Variants in SLC24A2 observed in about 807,000 individuals in gnomAD.
The protein encoded by SLC24A2 is solute carrier family 24 member 2, also known as sodium/potassium/calcium exchanger 2.
SLC24A2 carries 36 observed loss-of-function variants against 62.0 expected under a neutral mutation model. The observed-to-expected ratio is 0.58, with a 90% CI of 0.44 to 0.77. SLC24A2 has a LOEUF of 0.77. SLC24A2 is among the 30% of genes least tolerant of loss of function. The pLI is 0.00. For missense variants in SLC24A2, 846 were observed against 817.9 expected (o/e 1.03, Z -0.42); for synonymous variants, 358 against 294.0 (o/e 1.22, Z -2.23).
the SLC24A2 span, among the ~76,000 whole-genome samples, chr9:20,073,937 T>TAG: frequency 2.0e-5 from 3 of 148,118 alleles, no homozygotes; most frequent in African/African-American, 7.4e-5. Flanking sequence ...TATATATATA[T>TAG]ATATGTATGT....
the SLC24A2 span, among the ~76,000 whole-genome samples, chr9:20,097,725 T>A: frequency 2.8e-5 from 1 of 35,890 alleles, no homozygotes; most frequent in African/African-American, 1.2e-4. Flanking sequence ...AAATAATTTT[T>A]TTTTTTTTTT....
the SLC24A2 span, among the ~76,000 whole-genome samples, chr9:19,804,594 G>A: frequency 6.6e-6 from 1 of 152,080 alleles, no homozygotes; most frequent in Non-Finnish European, 1.5e-5. Context: ...TTTGCAAATA[G>A]AGAGTTTAAT....
At chr9:20,083,922 A>G in the SLC24A2 span, among the ~76,000 whole-genome samples, 25,411 of 152,180 alleles carry the variant, frequency 0.17, 3,657 homozygotes, top group East Asian at 0.66. Context: ...TCGCTGTTAC[A>G]CTGTTAGCTC....
chr9:20,182,601 C>T, the SLC24A2 span, among the ~76,000 whole-genome samples: 1 of 152,092 alleles, frequency 6.6e-6, no homozygotes, highest in African/African-American at 2.4e-5. Context: ...CACGTGGACA[C>T]AGGGAGGGGA....
At chr9:19,688,767 G>A (rs1819958797) in intron 2 of SLC24A2, among the ~76,000 whole-genome samples, 1 of 152,040 alleles carries the variant, frequency 6.6e-6, no homozygotes, top group Non-Finnish European at 1.5e-5. Context: ...CAACATACAT[G>A]TCTTTCCCTA....
the SLC24A2 span, among the ~76,000 whole-genome samples, chr9:20,067,882 T>C: frequency 6.6e-6 from 1 of 152,112 alleles, no homozygotes. Flanking sequence ...AACTATCTAT[T>C]TTCCTTTGGG....
chr9:19,737,585 T>G (rs749047962), intron 2 of SLC24A2, among the ~76,000 whole-genome samples: 54 of 152,008 alleles, frequency 3.6e-4, no homozygotes, highest in Non-Finnish European at 5.9e-4. Flanking sequence ...AAAAATAAAA[T>G]GCAATTGCAT....
chr9:19,808,843 G>A, the SLC24A2 span, among the ~76,000 whole-genome samples: 1 of 152,170 alleles, frequency 6.6e-6, no homozygotes, highest in African/African-American at 2.4e-5. This position sits in a 1 kb window ranked among gnomAD's most constrained non-coding sequence, Gnocchi z 4.1. Flanking sequence ...AGGATCATGA[G>A]CCATGTGATG....
At position 19,720,836 on chromosome 9, in the gene SLC24A2, GA is replaced by G. The variant is rs1201478649; in HGVS notation, c.930+65100del. On this transcript the variant is annotated intron_variant, in intron 2 of 10. Transcript: ENST00000341998. ...AAAACAATTTGTGTATATGTGGAAT[GA>G]TGTGTGTGTGTGTGTGTGTGTGTGT... Among the ~76,000 whole-genome samples, 34 of 111,774 alleles carry G rather than the reference GA, an allele frequency of 3.0e-4. 1 individual carries two copies. Among genetic ancestry groups the G allele is most frequent in the African/African-American group, 1.2e-3 (31 of 25,124 alleles). 73.3% of individuals were successfully genotyped at this position (111,774 alleles called of 152,430 possible).
At chr9:19,983,623 A>G in the SLC24A2 span, among the ~76,000 whole-genome samples, 1 of 152,190 alleles carries the variant, frequency 6.6e-6, no homozygotes, top group Non-Finnish European at 1.5e-5. Flanking sequence ...CAGCCTGGCA[A>G]CAGATTGAGA....
At chr9:20,037,128 C>T in the SLC24A2 span, among the ~76,000 whole-genome samples, 1 of 151,986 alleles carries the variant, frequency 6.6e-6, no homozygotes, top group Admixed American at 6.6e-5. Flanking sequence ...GAACTCCTGA[C>T]CCCAGGTTAC....
chr9:19,812,665 A>G, the SLC24A2 span, among the ~76,000 whole-genome samples: 1 of 152,008 alleles, frequency 6.6e-6, no homozygotes, highest in African/African-American at 2.4e-5. Context: ...TTTTCTCTTA[A>G]TTTTGTGGCA....
chr9:19,879,171 C>G, the SLC24A2 span, among the ~76,000 whole-genome samples: 1 of 152,058 alleles, frequency 6.6e-6, no homozygotes, highest in Admixed American at 6.6e-5. Context: ...GTAATATCCC[C>G]AGAGAGGTCA....
chr9:19,613,036 AGTGGGG>A (rs1817656835), intron 4 of SLC24A2, among the ~76,000 whole-genome samples: 1 of 152,208 alleles, frequency 6.6e-6, no homozygotes, highest in Admixed American at 6.5e-5. Flanking sequence ...TTATCCATGA[AGTGGGG>A]ATGATGAGAT....
the SLC24A2 span, among the ~76,000 whole-genome samples, chr9:19,989,946 G>A: frequency 1.4e-4 from 22 of 152,276 alleles, 1 homozygote; most frequent in African/African-American, 3.8e-4. Context: ...TGCCTAGAAT[G>A]TCAGAGAAAA....
At chr9:20,243,636 T>C in the SLC24A2 span, among the ~76,000 whole-genome samples, 1 of 152,210 alleles carries the variant, frequency 6.6e-6, no homozygotes, top group South Asian at 2.1e-4. Flanking sequence ...TTGTTATATA[T>C]ATGAACAAAG....
At chr9:20,103,385 G>C in the SLC24A2 span, among the ~76,000 whole-genome samples, 139 of 152,350 alleles carry the variant, frequency 9.1e-4, no homozygotes, top group African/African-American at 3.2e-3. Flanking sequence ...AGAACAGGCA[G>C]ACTGCCTCCT....
At chr9:20,238,158 A>T in the SLC24A2 span, among the ~76,000 whole-genome samples, 1 of 152,186 alleles carries the variant, frequency 6.6e-6, no homozygotes, top group East Asian at 1.9e-4. Flanking sequence ...AACTACATTT[A>T]TGAGGCCTGA....
intron 5 of SLC24A2, among the ~76,000 whole-genome samples, chr9:19,582,158 G>A (rs555331534): frequency 6.6e-6 from 1 of 152,268 alleles, no homozygotes; most frequent in South Asian, 2.1e-4. Context: ...AAGCATAAGA[G>A]CTGAATGTGA....
Sources: gnomAD v4.1 joint callset for allele counts (sites outside exome capture counted in the v4.1 genomes callset) on GRCh38, gnomAD v4.1.1 for gene constraint, Gnocchi (gnomAD v3.1) non-coding constraint, MANE v1.5 for transcripts, NCBI Gene and HGNC (gene_info 2026-07-23, HGNC 2026-07-21) for gene names.